The following WNT7B variants were observed in gnomAD, a reference collection of about 807,000 sequenced individuals.
WNT7B encodes Wnt family member 7B.
In WNT7B, 19 loss-of-function variants were observed where a neutral mutation model predicts 38.2. The ratio of observed to expected loss-of-function variants is 0.50; its 90% confidence interval spans 0.35 to 0.73. The LOEUF (loss-of-function observed/expected upper bound fraction) is 0.73, where lower values mean the gene tolerates loss of function less well. WNT7B is among the 30% of genes least tolerant of loss of function. The pLI is 0.01. For synonymous variants in WNT7B, 243 were observed against 209.3 expected (o/e 1.16, Z -1.39); for missense variants, 423 against 507.9 (o/e 0.83, Z 1.61).
chr22:45,962,780 T>C (rs535236048), intron 1 of WNT7B, among the ~76,000 whole-genome samples: 2 of 151,682 alleles, frequency 1.3e-5, no homozygotes, highest in South Asian at 4.1e-4. Context: ...CTGGCCCTGA[T>C]GCCACAGATC....
At chr22:45,935,827 C>T (rs986203651) in intron 2 of WNT7B, 16 of 985,220 alleles carry the variant, frequency 1.6e-5, no homozygotes, top group Non-Finnish European at 1.7e-5. Flanking sequence ...ATGGCAGTGA[C>T]GAAAGCCATC....
At position 45,922,914 on chromosome 22, in the gene WNT7B, C is replaced by T; in HGVS notation, c.992G>A (p.Cys331Tyr). 1 of 1,612,550 alleles carries T rather than the reference C, an allele frequency of 6.2e-7. No homozygotes were observed. Among genetic ancestry groups the T allele is most frequent in the Non-Finnish European group, 8.5e-7 (1 of 1,179,178 alleles). ...GCAGGTGTTGCACTTGACGAAGCAG[C>T]ACCAGTGGAATTTGCAGTTGCACTG... Reference protein sequence around the residue: ...VWQCNCKFHWCCFVKCNTCSE... With the variant: ...VWQCNCKFHWYCFVKCNTCSE... Residue 331 changes from cysteine (C) to tyrosine (Y), a missense_variant, in exon 4 of 4, where the codon TGC becomes TAC. This residue lies in a region of WNT7B where 158 missense variants were observed against 214.7 expected (regional missense o/e 0.74). Coordinates refer to ENST00000339464, the MANE Select transcript of WNT7B (RefSeq NM_058238.3).
chr22:45,943,442 A>G (rs1384361101), intron 2 of WNT7B, among the ~76,000 whole-genome samples: 1 of 152,148 alleles, frequency 6.6e-6, no homozygotes, highest in Admixed American at 6.5e-5. Context: ...AGTGGGAAGG[A>G]CCTGGCCTTC....
At chr22:45,925,243 T>TG in intron 3 of WNT7B, 15 of 945,718 alleles carry the variant, frequency 1.6e-5, no homozygotes, top group Non-Finnish European at 1.8e-5. Context: ...GTGGGTGCTG[T>TG]GTGGGCCCTA....
chr22:45,923,365 G>T (rs199595914), intron 3 of WNT7B, 30 bp from the exon 4 acceptor site: 4 of 1,572,644 alleles, frequency 2.5e-6, no homozygotes, highest in Non-Finnish European at 3.5e-6. Flanking sequence ...TGCTCGGCAC[G>T]GCATGGCCCA....
intron 1 of WNT7B, among the ~76,000 whole-genome samples, chr22:45,950,653 G>A (rs538658550): frequency 2.4e-4 from 37 of 152,310 alleles, no homozygotes; most frequent in Admixed American, 8.5e-4. Flanking sequence ...AAGCCCATCC[G>A]GTACTGACTC....
chr22:45,963,219 AC>A (rs1425699791), intron 1 of WNT7B, among the ~76,000 whole-genome samples: 1 of 151,058 alleles, frequency 6.6e-6, no homozygotes, highest in East Asian at 2.0e-4. Flanking sequence ...AAAGCAGGGG[AC>A]CCATTCTGGG....
intron 3 of WNT7B, among the ~76,000 whole-genome samples, chr22:45,929,678 C>A (rs1205401125): frequency 2.5e-4 from 18 of 70,884 alleles, no homozygotes; most frequent in Admixed American, 1.0e-3. Context: ...CCATCCTTCC[C>A]TCCATACTTC....
At position 45,975,435 on chromosome 22, in the gene WNT7B, C is replaced by T; in HGVS notation, c.71+1249G>A. On this transcript the variant is annotated intron_variant, in intron 1 of 3. Transcript: ENST00000339464. The surrounding 1 kb of genome is among the most constrained non-coding windows in gnomAD (Gnocchi z 6.6). ...TGATAAACGGGGCTACCGGCAGCCG[C>T]AGACACGCCCGCCCAGACCTGCAGG... 2 of 644,388 alleles carry T rather than the reference C, an allele frequency of 3.1e-6. No individual in the cohort carries two copies. The highest frequency in any genetic ancestry group is 3.4e-5 in the South Asian group (2 of 58,922). The allele number at this position is 644,388 out of a possible 1,614,324, so 39.9% of individuals were successfully genotyped here.
Position 45,923,016 on chromosome 22 carries a change from G to C in WNT7B, c.890C>G (p.Thr297Arg). Residue 297 changes from threonine to arginine, a missense_variant, in exon 4 of 4, where the codon ACG becomes AGG. Physicochemically the swap from Thr to Arg is moderately conservative, Grantham distance 71. Coordinates refer to ENST00000339464, the MANE Select transcript of WNT7B (RefSeq NM_058238.3). ...VGTQGRLCNR[T>R]SPGADGCDTM... ...GTCACAGCCGTCCGCGCCGGGCGAC[G>C]TGCGGTTGCAGAGACGGCCCTGCGT... 1.9e-6 allele frequency: 3 copies of C among 1,612,968 alleles called. No homozygotes were observed. Among genetic ancestry groups the C allele is most frequent in the Non-Finnish European group, 2.5e-6 (3 of 1,179,656 alleles).
chr22:45,940,974 G>C (rs1433140011), intron 2 of WNT7B, among the ~76,000 whole-genome samples: 1 of 152,246 alleles, frequency 6.6e-6, no homozygotes, highest in African/African-American at 2.4e-5. Flanking sequence ...GCTGTACCAT[G>C]TTGCCCTCAG....
At chr22:45,964,704 C>G (rs1303501048) in intron 1 of WNT7B, among the ~76,000 whole-genome samples, 1 of 152,084 alleles carries the variant, frequency 6.6e-6, no homozygotes, top group Non-Finnish European at 1.5e-5. Flanking sequence ...CGGCCGTGAC[C>G]TGGGAGTTCA....
At chr22:45,956,713 A>C (rs536005420) in intron 1 of WNT7B, among the ~76,000 whole-genome samples, 27 of 152,390 alleles carry the variant, frequency 1.8e-4, no homozygotes, top group African/African-American at 6.0e-4. Context: ...GCGTGACTAC[A>C]CGGTGAGGAA....
chr22:45,965,519 C>A lies in WNT7B; in HGVS notation c.71+11165G>T, dbSNP rs1601740932. On this transcript the variant is annotated intron_variant, in intron 1 of 3. Coordinates refer to ENST00000339464, the MANE Select transcript of WNT7B (RefSeq NM_058238.3). The surrounding 1 kb of genome is among the most constrained non-coding windows in gnomAD (Gnocchi z 6.5). Reference sequence around the variant, plus strand: ...CTGGGGGAGCATCCAGACCCACCACCCAGATGGGGAAACTGAGGCCCAGAG... The same window carrying A: ...CTGGGGGAGCATCCAGACCCACCACACAGATGGGGAAACTGAGGCCCAGAG... Among the ~76,000 whole-genome samples the A allele has an allele frequency of 1.3e-5, 2 of 152,222 alleles. No homozygotes were observed.
chr22:45,969,192 C>T (rs966198731), intron 1 of WNT7B, among the ~76,000 whole-genome samples: 3 of 152,182 alleles, frequency 2.0e-5, no homozygotes, highest in African/African-American at 7.2e-5. Context: ...CTGGCGGGGC[C>T]GTGGTAAGTG....
intron 3 of WNT7B, chr22:45,925,315 C>T: frequency 1.0e-6 from 1 of 985,392 alleles, no homozygotes; most frequent in African/African-American, 1.7e-5. Flanking sequence ...GTGTTTTCTG[C>T]TCTGCATCAG....
chr22:45,922,814 C>G lies in WNT7B; in HGVS notation c.*42G>C, dbSNP rs369203607. 3 of 1,559,198 alleles carry G rather than the reference C, an allele frequency of 1.9e-6. No homozygotes were observed. The highest frequency in any genetic ancestry group is 1.7e-6 in the Non-Finnish European group (2 of 1,149,654). ...GGTGAGGAGTGGATGTGCAAAATGCCGCCGGGTTCCAGGGTGCCCGCGGCC... is the reference window on the plus strand; with the variant it reads ...GGTGAGGAGTGGATGTGCAAAATGCGGCCGGGTTCCAGGGTGCCCGCGGCC... On this transcript the variant is annotated 3_prime_UTR_variant, in exon 4 of 4. Transcript: ENST00000339464.
chr22:45,972,044 C>T (rs1490491120), intron 1 of WNT7B: 3 of 471,526 alleles, frequency 6.4e-6, no homozygotes, highest in Non-Finnish European at 1.1e-5. Context: ...GACGGTCACC[C>T]GGTGCCCCGC....
rs189084443 is a variant in WNT7B, at chr22:45,945,957, G to A, written c.298+3963C>T. Among the ~76,000 whole-genome samples, 614 of 152,366 alleles carry A rather than the reference G, an allele frequency of 4.0e-3. 17 individuals are homozygous for A. Among genetic ancestry groups the A allele is most frequent in the Admixed American group, 0.035 (542 of 15,304 alleles). Reference sequence around the variant, plus strand: ...GTCATGTCTGAGGCTAGCACATGATGGGCAGGACTCAGCATTCCCTGGCAG... The same window carrying A: ...GTCATGTCTGAGGCTAGCACATGATAGGCAGGACTCAGCATTCCCTGGCAG... On this transcript the variant is annotated intron_variant, in intron 2 of 3. Coordinates refer to ENST00000339464, the MANE Select transcript of WNT7B (RefSeq NM_058238.3).
Sources: allele counts gnomAD v4.1 joint callset (sites outside exome capture counted in the v4.1 genomes callset), GRCh38; gene constraint gnomAD v4.1.1; regional missense constraint gnomAD v4.1.1; non-coding constraint Gnocchi (gnomAD v3.1); transcripts MANE v1.5; gene names NCBI Gene and HGNC (gene_info 2026-07-23, HGNC 2026-07-21).